The following PLCB1 variants were observed in gnomAD, a reference collection of about 807,000 sequenced individuals.
PLCB1 encodes phospholipase C beta 1, also known as 1-phosphatidylinositol 4,5-bisphosphate phosphodiesterase beta-1.
A neutral mutation model predicts 161.8 loss-of-function variants in PLCB1; 46 were observed. That is an observed-to-expected ratio of 0.28 (90% CI 0.22 to 0.36). PLCB1 has a LOEUF of 0.36. PLCB1 is among the 10% of genes least tolerant of loss of function. PLCB1 has a pLI of 1.00. For missense variants in PLCB1, 1,016 were observed against 1,472.5 expected, an observed-to-expected ratio of 0.69 and a Z score of 5.07; for synonymous variants, 517 against 503.7, an observed-to-expected ratio of 1.03 and a Z score of -0.35.
chr20:8,320,586 C>T (rs1984865758), intron 2 of PLCB1, among the ~76,000 whole-genome samples: 2 of 152,274 alleles, frequency 1.3e-5, no homozygotes, highest in Admixed American at 6.5e-5. Flanking sequence ...TGTTGTAATT[C>T]TGGCTTTCTT....
intron 3 of PLCB1, among the ~76,000 whole-genome samples, chr20:8,534,976 C>T (rs1984983135): frequency 6.6e-6 from 1 of 151,314 alleles, no homozygotes; most frequent in African/African-American, 2.4e-5. Context: ...ATAGATTTTC[C>T]CTGAGAAGGG....
chr20:8,165,660 G>A (rs1196241687), intron 2 of PLCB1, among the ~76,000 whole-genome samples: 1 of 152,150 alleles, frequency 6.6e-6, no homozygotes, highest in Non-Finnish European at 1.5e-5. Flanking sequence ...CTCAATCGAT[G>A]TGTGTCAAAT....
chr20:8,479,549 C>A (rs1365143035), intron 3 of PLCB1, among the ~76,000 whole-genome samples: 1 of 152,184 alleles, frequency 6.6e-6, no homozygotes, highest in Non-Finnish European at 1.5e-5. Flanking sequence ...TCTTAATAGA[C>A]CGCAGGCTCC....
chr20:8,445,125 C>T (rs1394938853), intron 3 of PLCB1, among the ~76,000 whole-genome samples: 5 of 152,072 alleles, frequency 3.3e-5, no homozygotes, highest in African/African-American at 1.2e-4. Flanking sequence ...CTTGCCCATG[C>T]CTATGTCCTA....
chr20:8,777,834 C>T, intron 27 of PLCB1, among the ~76,000 whole-genome samples: 1 of 152,088 alleles, frequency 6.6e-6, no homozygotes, highest in South Asian at 2.1e-4. Context: ...TTAAACTTCA[C>T]CGTGACTGGG....
chr20:8,336,509 T>TCC (rs1407497510), intron 2 of PLCB1, among the ~76,000 whole-genome samples: 2 of 152,182 alleles, frequency 1.3e-5, no homozygotes, highest in Non-Finnish European at 2.9e-5. Flanking sequence ...CCAGCAGGTC[T>TCC]CCACATTTAG....
chr20:8,804,082 G>A (rs981756210), intron 31 of PLCB1, among the ~76,000 whole-genome samples: 10 of 151,800 alleles, frequency 6.6e-5, no homozygotes, highest in South Asian at 2.1e-4. Context: ...TGTGAGCCAC[G>A]GTGCCTGGCC....
chr20:8,863,889 A>G (rs776169152), intron 31 of PLCB1, among the ~76,000 whole-genome samples: 1 of 152,226 alleles, frequency 6.6e-6, no homozygotes, highest in Non-Finnish European at 1.5e-5. Context: ...ATACTGAAAG[A>G]TGGTCATTCA....
intron 15 of PLCB1, among the ~76,000 whole-genome samples, chr20:8,723,292 G>A (rs1019930155): frequency 6.6e-6 from 1 of 152,102 alleles, no homozygotes; most frequent in Non-Finnish European, 1.5e-5. Flanking sequence ...TTTCAATTGT[G>A]TATAATTTCT....
chr20:8,167,810 T>C (rs1427985037), intron 2 of PLCB1, among the ~76,000 whole-genome samples: 1 of 152,204 alleles, frequency 6.6e-6, no homozygotes, highest in Non-Finnish European at 1.5e-5. Flanking sequence ...CCAAAACTTA[T>C]GCCTTAAAAC....
chr20:8,752,042 C>CT (rs145436639), intron 23 of PLCB1: 2 of 151,922 alleles, frequency 1.3e-5, no homozygotes, highest in Non-Finnish European at 2.9e-5. Flanking sequence ...CCTATAGGTG[C>CT]TTTTTTTCAT....
At chr20:8,565,609 A>T (rs903388338) in intron 3 of PLCB1, among the ~76,000 whole-genome samples, 3 of 152,074 alleles carry the variant, frequency 2.0e-5, no homozygotes, top group African/African-American at 7.2e-5. Flanking sequence ...AATATATGGT[A>T]TATCTGTTTA....
At chr20:8,739,011 G>A (rs1243955637) in intron 20 of PLCB1, among the ~76,000 whole-genome samples, 1 of 152,140 alleles carries the variant, frequency 6.6e-6, no homozygotes, top group South Asian at 2.1e-4. Flanking sequence ...AATTAGTCAG[G>A]TGTGGGGGCA....
chr20:8,370,515 C>T (rs1986871811), intron 2 of PLCB1, among the ~76,000 whole-genome samples: 1 of 152,254 alleles, frequency 6.6e-6, no homozygotes, highest in African/African-American at 2.4e-5. Flanking sequence ...CTCTAAGTGT[C>T]TAAAGGCCAC....
chr20:8,713,397 G>A (rs1172840816), intron 12 of PLCB1, among the ~76,000 whole-genome samples: 1 of 152,124 alleles, frequency 6.6e-6, no homozygotes, highest in Admixed American at 6.5e-5. Flanking sequence ...TGGCCAGGCC[G>A]ATCTCGAACT....
chr20:8,218,303 C>T (rs1030989866), intron 2 of PLCB1, among the ~76,000 whole-genome samples: 2 of 152,078 alleles, frequency 1.3e-5, no homozygotes, highest in Non-Finnish European at 2.9e-5. Flanking sequence ...CTCTTCCCTG[C>T]ATAATACATA....
intron 3 of PLCB1, among the ~76,000 whole-genome samples, chr20:8,397,325 GTTATA>G (rs894657906): frequency 6.6e-5 from 10 of 151,948 alleles, no homozygotes; most frequent in African/African-American, 2.4e-4. Flanking sequence ...TTTCTATAGA[GTTATA>G]TTATTAATTT....
In PLCB1 at chr20:8,371,367, G is replaced by GT. The variant is rs1568650593; in HGVS notation, c.178-10dup. The GT allele has an allele frequency of 1.2e-6, 2 of 1,601,680 alleles. No homozygotes were observed. Among genetic ancestry groups the GT allele is most frequent in the Non-Finnish European group, 1.7e-6 (2 of 1,172,414 alleles). ...CTGTGTCGTTGCTTAACGATTTCAC[G>GT]TTTTTGCCTTCCAGGAGACAGAGCT... On this transcript the variant is annotated splice_polypyrimidine_tract_variant and intron_variant, in intron 2 of 31. Transcript: ENST00000338037.
chr20:8,713,544 C>A (rs1358863219), intron 12 of PLCB1, among the ~76,000 whole-genome samples: 1 of 152,146 alleles, frequency 6.6e-6, no homozygotes, highest in Non-Finnish European at 1.5e-5. Context: ...GTGTGGTCCT[C>A]AGACCAGCAG....
Sources: allele counts gnomAD v4.1 joint callset (sites outside exome capture counted in the v4.1 genomes callset), GRCh38; gene constraint gnomAD v4.1.1; transcripts MANE v1.5; gene names NCBI Gene and HGNC (gene_info 2026-07-23, HGNC 2026-07-21).